The following GPHN variants were observed in gnomAD, a reference collection of about 807,000 sequenced individuals.
GPHN encodes gephyrin.
GPHN carries 17 observed loss-of-function variants against 95.5 expected under a neutral mutation model. The observed-to-expected ratio is 0.18, with a 90% CI of 0.12 to 0.27. GPHN has a LOEUF of 0.27. Ranked by LOEUF, GPHN falls within the 10% of genes least tolerant of loss-of-function variation. The probability of loss-of-function intolerance (pLI) is 1.00; values close to 1 mark genes in which losing one functional copy is unlikely to be tolerated. For missense variants in GPHN, 660 were observed against 978.1 expected (o/e 0.67, Z 4.34); for synonymous variants, 320 against 322.5 (o/e 0.99, Z 0.08).
the GPHN span, chr14:67,474,033 C>T: frequency 2.2e-6 from 3 of 1,373,754 alleles, no homozygotes; most frequent in Middle Eastern, 5.3e-4. Context: ...CGGCGGATCA[C>T]TTGAGGTCAG....
the GPHN span, among the ~76,000 whole-genome samples, chr14:67,234,096 TC>T: frequency 6.6e-6 from 1 of 152,240 alleles, no homozygotes; most frequent in African/African-American, 2.4e-5. Context: ...ATTCAGTTTG[TC>T]TTCACAAGCA....
At chr14:67,023,448 C>T (rs2073764434) in intron 9 of GPHN, among the ~76,000 whole-genome samples, 185 bp from the exon 10 acceptor site, 1 of 151,952 alleles carries the variant, frequency 6.6e-6, no homozygotes, top group South Asian at 2.1e-4. Context: ...TCAGTTCTTT[C>T]TTTAAGGAAA....
chr14:66,716,147 G>A (rs575645494), intron 2 of GPHN, among the ~76,000 whole-genome samples: 2 of 152,158 alleles, frequency 1.3e-5, no homozygotes, highest in Admixed American at 6.5e-5. Context: ...TCATTTCTTA[G>A]GTCTATTAGT....
At chr14:66,913,468 A>G (rs1252527795) in intron 5 of GPHN, among the ~76,000 whole-genome samples, 8 of 152,132 alleles carry the variant, frequency 5.3e-5, no homozygotes, top group Admixed American at 4.6e-4. Context: ...CAGGCTCCTG[A>G]GTAGCTAGGA....
intron 1 of GPHN, among the ~76,000 whole-genome samples, chr14:66,613,735 A>G (rs529382378): frequency 7.3e-4 from 111 of 152,292 alleles, no homozygotes; most frequent in Non-Finnish European, 3.5e-4. Flanking sequence ...ATCTGTGAAT[A>G]ATGAAGATTG....
At chr14:67,298,427 A>G in the GPHN span, among the ~76,000 whole-genome samples, 1 of 151,866 alleles carries the variant, frequency 6.6e-6, no homozygotes, top group Non-Finnish European at 1.5e-5. Flanking sequence ...AGGCAGGAGA[A>G]TCGCTTGAAC....
the GPHN span, among the ~76,000 whole-genome samples, chr14:67,558,965 G>C: frequency 6.6e-6 from 1 of 152,244 alleles, no homozygotes; most frequent in African/African-American, 2.4e-5. Flanking sequence ...GCAAGCAGGT[G>C]GAGGACTGGA....
chr14:66,991,168 C>T (rs1204039727), intron 9 of GPHN, among the ~76,000 whole-genome samples: 2 of 151,958 alleles, frequency 1.3e-5, no homozygotes, highest in East Asian at 1.9e-4. Context: ...CTTAAAAATG[C>T]ATCATCTTTT....
At chr14:67,433,987 T>C in the GPHN span, among the ~76,000 whole-genome samples, 1 of 152,210 alleles carries the variant, frequency 6.6e-6, no homozygotes. Flanking sequence ...AAGCCTTTTG[T>C]GCCACAGAAT....
chr14:66,895,429 G>A (rs189918463), intron 5 of GPHN, among the ~76,000 whole-genome samples: 21 of 152,212 alleles, frequency 1.4e-4, no homozygotes, highest in Non-Finnish European at 2.5e-4. Context: ...AATGGGTGCA[G>A]CAAACCAACA....
the GPHN span, among the ~76,000 whole-genome samples, chr14:67,475,160 C>T: frequency 6.6e-6 from 1 of 152,186 alleles, no homozygotes; most frequent in African/African-American, 2.4e-5. Flanking sequence ...GGTGATCCGC[C>T]CGCCTTGGCC....
chr14:66,894,646 C>A (rs1296899399), intron 5 of GPHN, among the ~76,000 whole-genome samples: 5 of 152,052 alleles, frequency 3.3e-5, no homozygotes, highest in East Asian at 1.9e-4. Context: ...ATCTACAAAG[C>A]ACTCAAACAA....
At chr14:67,473,155 C>T in the GPHN span, 3 of 496,800 alleles carry the variant, frequency 6.0e-6, no homozygotes, top group Non-Finnish European at 1.1e-5. The surrounding 1 kb of genome is among the most constrained non-coding windows in gnomAD (Gnocchi z 6.5). Flanking sequence ...CAGCCACAGG[C>T]CTCCTGGTAC....
the GPHN span, chr14:67,205,126 G>A: frequency 2.8e-4 from 420 of 1,517,038 alleles, 1 homozygote; most frequent in Admixed American, 7.6e-4. Flanking sequence ...TTTAATAATC[G>A]AGAACTAGAG....
chr14:66,514,619 T>G (rs571575466), intron 1 of GPHN, among the ~76,000 whole-genome samples: 1 of 152,078 alleles, frequency 6.6e-6, no homozygotes, highest in African/African-American at 2.4e-5. Flanking sequence ...TAGGGGAGGG[T>G]AGGTTATACA....
At chr14:67,682,498 G>T in the GPHN span, among the ~76,000 whole-genome samples, 1 of 152,122 alleles carries the variant, frequency 6.6e-6, no homozygotes, top group East Asian at 1.9e-4. Flanking sequence ...AAAAGCGCAT[G>T]AAAGAATGTT....
At chr14:67,320,425 T>G in the GPHN span, 3 of 1,548,652 alleles carry the variant, frequency 1.9e-6, no homozygotes, top group South Asian at 3.7e-5. Flanking sequence ...CCCATTTTCC[T>G]GTGCTTTTCA....
At chr14:67,012,747 C>T (rs1051442910) in intron 9 of GPHN, among the ~76,000 whole-genome samples, 4 of 152,140 alleles carry the variant, frequency 2.6e-5, no homozygotes, top group African/African-American at 7.2e-5. Flanking sequence ...TTCAACAAAA[C>T]ATTTGAGCCT....
At chr14:66,614,922 T>A (rs1462085780) in intron 1 of GPHN, among the ~76,000 whole-genome samples, 1 of 152,182 alleles carries the variant, frequency 6.6e-6, no homozygotes, top group Admixed American at 6.5e-5. Context: ...TGGGTCCATG[T>A]GTTCTCACTG....
Sources: allele counts gnomAD v4.1 joint callset (sites outside exome capture counted in the v4.1 genomes callset), GRCh38; gene constraint gnomAD v4.1.1; non-coding constraint Gnocchi (gnomAD v3.1); transcripts MANE v1.5; gene names NCBI Gene and HGNC (gene_info 2026-07-23, HGNC 2026-07-21).